Variants in NAA35 observed in about 807,000 individuals in gnomAD.
NAA35 encodes the protein N-alpha-acetyltransferase 35, NatC auxiliary subunit, also known as MAK10 homolog, amino-acid N-acetyltransferase subunit.
Under a neutral mutation model 101.7 loss-of-function variants are expected in NAA35, and 18 were observed. That is an observed-to-expected ratio of 0.18 (90% CI 0.12 to 0.26). NAA35 has a LOEUF of 0.26. Among genes scored for constraint, NAA35 ranks in the 10% least tolerant of loss-of-function variants. The pLI, the probability that NAA35 is intolerant of heterozygous loss-of-function variation, is 1.00. For synonymous variants in NAA35, 267 were observed against 273.1 expected (o/e 0.98, Z 0.22); for missense variants, 601 against 886.8 (o/e 0.68, Z 4.09).
intron 6 of NAA35, among the ~76,000 whole-genome samples, chr9:85,969,566 C>T (rs1829911557): frequency 6.6e-6 from 1 of 152,078 alleles, no homozygotes; most frequent in African/African-American, 2.4e-5. Flanking sequence ...CTTTATATTC[C>T]TCTTGTTAAA....
intron 13 of NAA35, among the ~76,000 whole-genome samples, chr9:86,006,124 C>T (rs759017127): frequency 3.3e-5 from 5 of 151,624 alleles, no homozygotes; most frequent in Non-Finnish European, 7.4e-5. Flanking sequence ...AAGCCAAGAT[C>T]GCACCACTGC....
intron 2 of NAA35, among the ~76,000 whole-genome samples, chr9:85,950,346 A>T (rs1828965330): frequency 6.6e-6 from 1 of 152,186 alleles, no homozygotes; most frequent in South Asian, 2.1e-4. Flanking sequence ...CCTGGGTCCA[A>T]GCAACTCTCA....
intron 2 of NAA35, among the ~76,000 whole-genome samples, chr9:85,955,348 A>G (rs866179615): frequency 8.8e-5 from 6 of 67,898 alleles, no homozygotes; most frequent in Admixed American, 7.1e-4. Context: ...ATATATATAT[A>G]TATATATATA....
chr9:85,950,662 T>A (rs1327022582), intron 2 of NAA35, among the ~76,000 whole-genome samples: 1 of 152,210 alleles, frequency 6.6e-6, no homozygotes, highest in Non-Finnish European at 1.5e-5. Context: ...TTTTTAAGTT[T>A]GATGAAGCTA....
intron 12 of NAA35, among the ~76,000 whole-genome samples, chr9:86,002,893 A>G (rs1831476252): frequency 6.6e-6 from 1 of 152,166 alleles, no homozygotes; most frequent in Non-Finnish European, 1.5e-5. Context: ...TGGTGCAGTC[A>G]TTTGGAGGAC....
At chr9:85,985,345 A>G (rs1382464165) in intron 11 of NAA35, among the ~76,000 whole-genome samples, 1 of 152,224 alleles carries the variant, frequency 6.6e-6, no homozygotes. Flanking sequence ...GCCAAAAGGG[A>G]AAAATAGCTC....
intron 6 of NAA35, among the ~76,000 whole-genome samples, chr9:85,962,734 C>A (rs1829575137): frequency 6.6e-6 from 1 of 152,004 alleles, no homozygotes. Context: ...ATTGAATATC[C>A]GTATGTGCAG....
Position 85,956,440 on chromosome 9 carries a change from GT to G in NAA35, c.158+56del, listed in dbSNP as rs200018881. ...ATAGTGTAGTGTAATGTTTCAGTCT[GT>G]TTTTTTTTCCTCATGTGGAGTAATA... On this transcript the variant is annotated intron_variant, in intron 3 of 22. Coordinates refer to ENST00000361671, the MANE Select transcript of NAA35 (RefSeq NM_024635.4). 2.2e-4 allele frequency: 247 copies of G among 1,123,958 alleles called. No homozygotes were observed. The Middle Eastern group carries it at 3.6e-3, about 16-fold the overall frequency. 69.6% of individuals were successfully genotyped at this position (1,123,958 alleles called of 1,614,324 possible). A position where few individuals can be genotyped will look rare whatever the true frequency, so the allele number is the denominator to read the frequency against.
At chr9:85,981,504 A>G (rs1830438664) in intron 11 of NAA35, among the ~76,000 whole-genome samples, 1 of 152,088 alleles carries the variant, frequency 6.6e-6, no homozygotes. Flanking sequence ...TTTCCGTGGG[A>G]TCATTAGTAG....
chr9:85,962,558 A>T (rs970553561), intron 6 of NAA35, among the ~76,000 whole-genome samples: 140 of 151,440 alleles, frequency 9.2e-4, no homozygotes, highest in Non-Finnish European at 2.9e-4. Flanking sequence ...ATTCACTGTG[A>T]TGTATTTAAA....
intron 2 of NAA35, among the ~76,000 whole-genome samples, chr9:85,950,323 G>A (rs1828963309): frequency 2.0e-5 from 3 of 152,152 alleles, no homozygotes; most frequent in Admixed American, 6.5e-5. Context: ...TCAGCTCACT[G>A]TAACCTCCGT....
At chr9:85,966,053 C>G (rs1829731147) in intron 6 of NAA35, among the ~76,000 whole-genome samples, 3 of 152,196 alleles carry the variant, frequency 2.0e-5, no homozygotes, top group Admixed American at 1.3e-4. Flanking sequence ...GATACTTTGT[C>G]TCAAGCCTCC....
At chr9:85,993,558 C>T (rs375421602) in intron 11 of NAA35, among the ~76,000 whole-genome samples, 2 of 152,166 alleles carry the variant, frequency 1.3e-5, no homozygotes, top group Admixed American at 6.5e-5. Flanking sequence ...AAAAACCTTT[C>T]GGGGTGGTAA....
rs141638830 is a variant in NAA35 at position 86,005,061 on chromosome 9, C to T, written c.1116+1417C>T. On this transcript the variant is annotated intron_variant, in intron 13 of 22. Coordinates refer to ENST00000361671, the MANE Select transcript of NAA35 (RefSeq NM_024635.4). ...CTATAGACCATATTTTCCTCACAAA[C>T]ACAGATGTAAAAATCTTATTCCATG... Among the ~76,000 whole-genome samples the T allele has an allele frequency of 5.0e-4, 76 of 152,246 alleles. No individual in the cohort carries two copies. The East Asian group carries it at 0.01, about 20-fold the overall frequency.
At chr9:85,998,587 A>G (rs1030885401) in intron 12 of NAA35, among the ~76,000 whole-genome samples, 3 of 152,184 alleles carry the variant, frequency 2.0e-5, no homozygotes, top group Admixed American at 2.0e-4. Context: ...TAAAATATAG[A>G]AAAACAAGGC....
At chr9:85,953,682 G>A (rs1431495685) in intron 2 of NAA35, among the ~76,000 whole-genome samples, 6 of 152,120 alleles carry the variant, frequency 3.9e-5, no homozygotes, top group Admixed American at 3.9e-4. Flanking sequence ...GCCTGCATTG[G>A]CCTTCCAAAA....
chr9:86,014,996 G>A (rs897091854), intron 17 of NAA35, among the ~76,000 whole-genome samples: 6 of 152,036 alleles, frequency 3.9e-5, no homozygotes, highest in Non-Finnish European at 5.9e-5. Flanking sequence ...GAACTCTTGG[G>A]TTGTCAGTCT....
At chr9:85,983,180 G>A (rs375693968) in intron 11 of NAA35, among the ~76,000 whole-genome samples, 4 of 152,208 alleles carry the variant, frequency 2.6e-5, no homozygotes, top group African/African-American at 9.6e-5. Flanking sequence ...CCAGTTGAAG[G>A]GTACACATTA....
chr9:85,956,156 G>A (rs1355488384), intron 2 of NAA35, among the ~76,000 whole-genome samples: 1 of 152,084 alleles, frequency 6.6e-6, no homozygotes, highest in Non-Finnish European at 1.5e-5. Flanking sequence ...TAAACCACTT[G>A]ATTTATCGTA....
Sources: allele counts gnomAD v4.1 joint callset (sites outside exome capture counted in the v4.1 genomes callset), GRCh38; gene constraint gnomAD v4.1.1; transcripts MANE v1.5; gene names NCBI Gene and HGNC (gene_info 2026-07-23, HGNC 2026-07-21).